Variants in FAM117B observed in about 807,000 individuals in gnomAD.
FAM117B encodes protein FAM117B.
Under a neutral mutation model 52.8 loss-of-function variants are expected in FAM117B, and 22 were observed. That is an observed-to-expected ratio of 0.42 (90% CI 0.30 to 0.59). The LOEUF (loss-of-function observed/expected upper bound fraction) is 0.59. Among genes scored for constraint, FAM117B ranks in the 20% least tolerant of loss-of-function variants. The pLI is 0.22. For missense variants in FAM117B, 678 were observed against 802.6 expected (o/e 0.84, Z 1.88); for synonymous variants, 309 against 324.1 (o/e 0.95, Z 0.50).
rs775867656 is a variant in FAM117B at position 202,726,347 on chromosome 2, C to T, written c.944C>T (p.Ala315Val). The T allele has an allele frequency of 1.9e-6, 3 of 1,612,170 alleles. No individual in the cohort carries two copies. The highest frequency in any genetic ancestry group is 2.5e-6 in the Non-Finnish European group (3 of 1,179,074). Residue 315 changes from alanine to valine, a missense_variant, in exon 4 of 8, where the codon GCT becomes GTT. Physicochemically the swap from Ala to Val is moderately conservative, Grantham distance 64. Transcript: ENST00000392238. Reference protein sequence around the residue: ...RQSPFHGNHAAINQCQAPVPK... With the variant: ...RQSPFHGNHAVINQCQAPVPK... ...TCTCCATTTCATGGCAACCATGCAG[C>T]TATTAACCAGTGTCAGGTAAGAGTA...
Position 202,635,512 on chromosome 2 carries a change from G to C in FAM117B, c.325G>C (p.Val109Leu). Residue 109 changes from valine (V) to leucine (L), a missense_variant, in exon 1 of 8, where the codon GTG becomes CTG. By Grantham distance (32) the Val-to-Leu change is conservative. Around this residue, in one of 3 missense-constraint regions of FAM117B, gnomAD observed 583 missense variants for 644.8 expected, o/e 0.90. Coordinates refer to ENST00000392238, the MANE Select transcript of FAM117B (RefSeq NM_173511.4). ...CGCGGCCGCGCGCACCAGCCCCACG[G>C]TGGCCACGCAGACGGGCGCGTCCGC... ...GNAAARTSPT[V>L]ATQTGASATS... 1 of 1,102,376 alleles carries C rather than the reference G, an allele frequency of 9.1e-7. No individual in the cohort carries two copies. Among genetic ancestry groups the C allele is most frequent in the East Asian group, 5.5e-5 (1 of 18,260 alleles). The allele number at this position is 1,102,376 out of a possible 1,614,324, so 68.3% of individuals were successfully genotyped here. A position where few individuals can be genotyped will look rare whatever the true frequency, so the allele number is the denominator to read the frequency against.
chr2:202,748,773 C>A (rs1331280157), intron 4 of FAM117B, among the ~76,000 whole-genome samples: 2 of 152,038 alleles, frequency 1.3e-5, no homozygotes, highest in African/African-American at 2.4e-5. Context: ...AATGAGATAT[C>A]ACCTCACCCC....
intron 1 of FAM117B, among the ~76,000 whole-genome samples, chr2:202,692,688 C>T (rs545114365): frequency 2.6e-5 from 4 of 152,234 alleles, no homozygotes; most frequent in East Asian, 1.9e-4. Flanking sequence ...TGAAATTTTA[C>T]GTATCATCTT....
chr2:202,637,836 T>C (rs1322614696), intron 1 of FAM117B, among the ~76,000 whole-genome samples: 1 of 151,864 alleles, frequency 6.6e-6, no homozygotes, highest in African/African-American at 2.4e-5. Flanking sequence ...GTGGGAAATA[T>C]ATAGCACACC....
At chr2:202,743,618 A>G in intron 4 of FAM117B, among the ~76,000 whole-genome samples, 1 of 134,084 alleles carries the variant, frequency 7.5e-6, no homozygotes, top group East Asian at 1.9e-4. Flanking sequence ...ATGACATACA[A>G]AAGAACACAA....
intron 1 of FAM117B, among the ~76,000 whole-genome samples, chr2:202,638,081 C>G (rs900850901): frequency 2.0e-5 from 3 of 152,026 alleles, no homozygotes; most frequent in Non-Finnish European, 2.9e-5. Context: ...TCTCCACATT[C>G]GTCAGGCTGG....
chr2:202,724,700 T>A (rs1005018605), intron 2 of FAM117B, among the ~76,000 whole-genome samples: 1 of 152,188 alleles, frequency 6.6e-6, no homozygotes, highest in Non-Finnish European at 1.5e-5. Flanking sequence ...AAAATACTAA[T>A]TTTTTATTAG....
Position 202,659,637 on chromosome 2 carries a change from C to T in FAM117B, c.601+23849C>T, listed in dbSNP as rs542132441. On this transcript the variant is annotated intron_variant, in intron 1 of 7. Transcript: ENST00000392238. ...TTTTTTTTTTTTTTTTTTTTTTTGA[C>T]GGAGTCTTGCCCTGTTGCCCAGGCT... Among the ~76,000 whole-genome samples the T allele has an allele frequency of 2.6e-3, 178 of 67,918 alleles. 4 individuals are homozygous for T. The highest frequency in any genetic ancestry group is 3.1e-3 in the Admixed American group (14 of 4,452). The allele number at this position is 67,918 out of a possible 152,430, so 44.6% of individuals were successfully genotyped here.
rs1406608279 is a variant in FAM117B, at chr2:202,769,746, T to C, written c.*3982T>C. On this transcript the variant is annotated 3_prime_UTR_variant, in exon 8 of 8. Coordinates refer to ENST00000392238, the MANE Select transcript of FAM117B (RefSeq NM_173511.4). ...GAACTTTTATGTTAAAAATAAAGTC[T>C]GTTCTTCTTGAGTTTTTTTCTGTGA... 3.3e-5 allele frequency: 5 copies of C among 152,596 alleles called. No homozygotes were observed. The highest frequency in any genetic ancestry group is 7.3e-5 in the Non-Finnish European group (5 of 68,046). The allele number at this position is 152,596 out of a possible 1,614,324, so 9.5% of individuals were successfully genotyped here. A position where few individuals can be genotyped will look rare whatever the true frequency, so the allele number is the denominator to read the frequency against.
intron 2 of FAM117B, among the ~76,000 whole-genome samples, chr2:202,707,760 T>C (rs1302192953): frequency 6.7e-6 from 1 of 149,022 alleles, no homozygotes; most frequent in Non-Finnish European, 1.5e-5. Context: ...AGTTTCATGA[T>C]TGTGTAACTT....
intron 2 of FAM117B, among the ~76,000 whole-genome samples, chr2:202,716,994 C>G (rs1042052661): frequency 2.0e-5 from 3 of 152,182 alleles, no homozygotes; most frequent in African/African-American, 7.2e-5. Flanking sequence ...GGTCACATAT[C>G]TGTTTCTCTA....
intron 2 of FAM117B, among the ~76,000 whole-genome samples, chr2:202,716,228 A>G (rs1691053735): frequency 6.6e-6 from 1 of 151,886 alleles, no homozygotes; most frequent in African/African-American, 2.4e-5. Flanking sequence ...CCATTTGCAA[A>G]CAACATCTTT....
chr2:202,647,751 T>G (rs1689892312), intron 1 of FAM117B, among the ~76,000 whole-genome samples: 1 of 152,226 alleles, frequency 6.6e-6, no homozygotes, highest in Non-Finnish European at 1.5e-5. Context: ...GGTTGAAAAC[T>G]TGTTTTTGCT....
intron 4 of FAM117B, among the ~76,000 whole-genome samples, chr2:202,751,810 G>T (rs1691728329): frequency 1.4e-5 from 2 of 146,894 alleles, no homozygotes; most frequent in Non-Finnish European, 3.0e-5. Context: ...TTTGACAATT[G>T]TATATCTGTG....
intron 1 of FAM117B, among the ~76,000 whole-genome samples, chr2:202,648,281 G>A (rs1370297269): frequency 6.6e-6 from 1 of 152,138 alleles, no homozygotes; most frequent in African/African-American, 2.4e-5. Flanking sequence ...AGGCCGAGAT[G>A]TGTAGATTGC....
At chr2:202,747,322 A>G (rs1306880817) in intron 4 of FAM117B, among the ~76,000 whole-genome samples, 1 of 152,200 alleles carries the variant, frequency 6.6e-6, no homozygotes, top group Admixed American at 6.5e-5. Context: ...GCTAAATTGT[A>G]CTGAATGGGG....
intron 2 of FAM117B, among the ~76,000 whole-genome samples, chr2:202,700,021 T>G (rs1690773893): frequency 6.6e-6 from 1 of 152,228 alleles, no homozygotes; most frequent in African/African-American, 2.4e-5. Flanking sequence ...GACGGGGAAC[T>G]TAATTGATGA....
intron 1 of FAM117B, among the ~76,000 whole-genome samples, chr2:202,676,122 G>A (rs1046667862): frequency 7.2e-5 from 11 of 152,004 alleles, no homozygotes; most frequent in Admixed American, 3.9e-4. Flanking sequence ...AACTTGCTAC[G>A]TTTATATAGT....
chr2:202,759,111 T>C (rs1691843623), intron 6 of FAM117B, 122 bp from the exon 7 acceptor site: 2 of 982,678 alleles, frequency 2.0e-6, no homozygotes, highest in Non-Finnish European at 3.0e-6. Flanking sequence ...ACATTAATTA[T>C]CTCCTTGATT....
Sources: gnomAD v4.1 joint callset for allele counts (sites outside exome capture counted in the v4.1 genomes callset) on GRCh38, gnomAD v4.1.1 for gene constraint, gnomAD v4.1.1 regional missense constraint, MANE v1.5 for transcripts, NCBI Gene and HGNC (gene_info 2026-07-23, HGNC 2026-07-21) for gene names.